Variants in ANO4 observed in about 807,000 individuals in gnomAD.
The protein encoded by ANO4 is anoctamin 4.
ANO4 carries 69 observed loss-of-function variants against 141.9 expected under a neutral mutation model. That is an observed-to-expected ratio of 0.49 (90% CI 0.40 to 0.59). The LOEUF (loss-of-function observed/expected upper bound fraction) is 0.59. Among genes scored for constraint, ANO4 ranks in the 20% least tolerant of loss-of-function variants. The pLI is 0.00. For synonymous variants in ANO4, 350 were observed against 394.3 expected (o/e 0.89, Z 1.33); for missense variants, 894 against 1,162.2 (o/e 0.77, Z 3.36).
intron 3 of ANO4, among the ~76,000 whole-genome samples, chr12:100,767,992 ATCAG>A: frequency 6.6e-6 from 1 of 152,034 alleles, no homozygotes; most frequent in Middle Eastern, 3.4e-3. Context: ...ATGGGGCTTC[ATCAG>A]TCAGCCTGTC....
At chr12:100,786,700 T>G (rs746048240) in intron 3 of ANO4, among the ~76,000 whole-genome samples, 2 of 152,202 alleles carry the variant, frequency 1.3e-5, no homozygotes, top group African/African-American at 2.4e-5. Flanking sequence ...CCTCAATTAC[T>G]TGGGTTAGCA....
intron 3 of ANO4, among the ~76,000 whole-genome samples, chr12:100,748,224 A>C (rs77698009): frequency 0.036 from 5,428 of 152,282 alleles, 215 homozygotes; most frequent in Admixed American, 0.12. Context: ...AATGTCTTAT[A>C]ACAAATTGTG....
chr12:100,891,052 T>C (rs183600555), intron 1 of ANO4, among the ~76,000 whole-genome samples: 1 of 152,330 alleles, frequency 6.6e-6, no homozygotes, highest in Non-Finnish European at 1.5e-5. Context: ...ATATGTAGCC[T>C]TTTCAGACTG....
intron 1 of ANO4, among the ~76,000 whole-genome samples, chr12:100,886,675 T>C (rs570459860): frequency 5.1e-4 from 78 of 152,322 alleles, no homozygotes; most frequent in African/African-American, 1.8e-3. Flanking sequence ...CTTAGTTTTA[T>C]AAGTTTTATT....
chr12:100,969,211 C>T (rs530246933), intron 5 of ANO4, among the ~76,000 whole-genome samples: 1 of 152,254 alleles, frequency 6.6e-6, no homozygotes, highest in Non-Finnish European at 1.5e-5. Context: ...GTGTGTGGTC[C>T]CTCCATGCCA....
intron 16 of ANO4, among the ~76,000 whole-genome samples, chr12:101,084,182 A>G (rs1446034043): frequency 1.3e-5 from 2 of 152,236 alleles, no homozygotes; most frequent in African/African-American, 2.4e-5. Context: ...ATGCCCATAC[A>G]GTAAGAAATA....
At chr12:101,042,260 G>T in intron 11 of ANO4, 74 bp from the exon 12 acceptor site, 1 of 1,574,936 alleles carries the variant, frequency 6.3e-7, no homozygotes, top group South Asian at 1.1e-5. Flanking sequence ...AAAGTAAAAT[G>T]ACTATACGAA....
At chr12:100,912,115 G>A (rs1029295251) in intron 2 of ANO4, among the ~76,000 whole-genome samples, 2 of 152,032 alleles carry the variant, frequency 1.3e-5, no homozygotes, top group Non-Finnish European at 2.9e-5. Flanking sequence ...TTCTTATGTG[G>A]CCGGGCGCGG....
At chr12:101,056,351 A>G (rs2048116114) in intron 14 of ANO4, among the ~76,000 whole-genome samples, 2 of 121,816 alleles carry the variant, frequency 1.6e-5, no homozygotes, top group Non-Finnish European at 3.4e-5. Context: ...GGATTTTTTG[A>G]GTTTTTTACA....
chr12:101,126,825 C>A, intron 26 of ANO4, 54 bp from the exon 27 acceptor site: 2 of 1,523,664 alleles, frequency 1.3e-6, no homozygotes, highest in East Asian at 2.3e-5. Flanking sequence ...AACTCTCTAA[C>A]CTCATTCAGG....
intron 7 of ANO4, among the ~76,000 whole-genome samples, chr12:100,977,285 A>G (rs147922997): frequency 6.6e-6 from 1 of 152,220 alleles, no homozygotes; most frequent in African/African-American, 2.4e-5. Context: ...TCTATCCTCT[A>G]GCAACTAGTC....
At chr12:100,720,165 G>C (rs2030799828) in intron 1 of ANO4, among the ~76,000 whole-genome samples, 1 of 152,088 alleles carries the variant, frequency 6.6e-6, no homozygotes, top group South Asian at 2.1e-4. Flanking sequence ...GCCATGCAAA[G>C]GAAGGCACAG....
intron 3 of ANO4, among the ~76,000 whole-genome samples, chr12:100,931,226 A>G (rs1380086868): frequency 6.6e-6 from 1 of 152,170 alleles, no homozygotes; most frequent in East Asian, 1.9e-4. Flanking sequence ...TAAGGTGTTC[A>G]AAGCTGTATT....
At chr12:100,732,465 TA>T (rs2031420147) in intron 1 of ANO4, among the ~76,000 whole-genome samples, 1 of 152,238 alleles carries the variant, frequency 6.6e-6, no homozygotes, top group African/African-American at 2.4e-5. Flanking sequence ...ATACTTTATA[TA>T]ACAATCCTTT....
chr12:100,798,604 A>G (rs1473893936), intron 1 of ANO4, among the ~76,000 whole-genome samples: 1 of 152,246 alleles, frequency 6.6e-6, no homozygotes, highest in Non-Finnish European at 1.5e-5. Flanking sequence ...CCTCAGTAGC[A>G]TAATAATCTA....
rs77565162 is a variant in ANO4, at chr12:101,128,142, G to A, written c.*286G>A. On this transcript the variant is annotated 3_prime_UTR_variant, in exon 28 of 28. Transcript: ENST00000392977. Reference sequence around the variant, plus strand: ...ACATTCTCAAGTTTTTAAAATCAAGGGGAACTTGTATACTGGGCCTGTTTT... The same window carrying A: ...ACATTCTCAAGTTTTTAAAATCAAGAGGAACTTGTATACTGGGCCTGTTTT... 1 of 152,650 alleles carries A rather than the reference G, an allele frequency of 6.6e-6. No homozygotes were observed. Among genetic ancestry groups the A allele is most frequent in the African/African-American group, 2.4e-5 (1 of 41,526 alleles). 9.5% of individuals were successfully genotyped at this position (152,650 alleles called of 1,614,324 possible). A position where few individuals can be genotyped will look rare whatever the true frequency, so the allele number is the denominator to read the frequency against.
At chr12:100,745,481 T>G (rs1161907648) in intron 3 of ANO4, among the ~76,000 whole-genome samples, 2 of 152,224 alleles carry the variant, frequency 1.3e-5, no homozygotes, top group Non-Finnish European at 2.9e-5. Context: ...ATCATGTACT[T>G]GTTCGCTCAG....
chr12:100,966,899 A>ACACG (rs2043692668), intron 5 of ANO4, among the ~76,000 whole-genome samples: 1 of 151,606 alleles, frequency 6.6e-6, no homozygotes, highest in Admixed American at 6.6e-5. Context: ...ACACACACAC[A>ACACG]CACACATACA....
chr12:100,809,717 A>G (rs1294754747), intron 1 of ANO4, among the ~76,000 whole-genome samples: 1 of 152,240 alleles, frequency 6.6e-6, no homozygotes, highest in African/African-American at 2.4e-5. Flanking sequence ...AGGTTGTGCT[A>G]TATTCTGTAG....
Sources: allele counts gnomAD v4.1 joint callset (sites outside exome capture counted in the v4.1 genomes callset), GRCh38; gene constraint gnomAD v4.1.1; transcripts MANE v1.5; gene names NCBI Gene and HGNC (gene_info 2026-07-23, HGNC 2026-07-21).